LRRC27: variants seen among roughly 807,000 people sequenced by gnomAD.
LRRC27 encodes the protein leucine rich repeat containing 27.
In LRRC27, 57 loss-of-function variants were observed where a neutral mutation model predicts 55.0. The ratio of observed to expected loss-of-function variants is 1.04; its 90% CI spans 0.84 to 1.29. LRRC27 has a LOEUF of 1.29. Ranked by LOEUF, LRRC27 falls within the 50% of genes most tolerant of loss-of-function variation. The pLI is 0.00. For missense variants in LRRC27, 721 were observed against 651.5 expected, an observed-to-expected ratio of 1.11 and a Z score of -1.16; for synonymous variants, 278 against 251.9, an observed-to-expected ratio of 1.10 and a Z score of -0.98.
At chr10:132,333,430 C>T in intron 1 of LRRC27, 47 bp from the exon 2 acceptor site, 2 of 849,902 alleles carry the variant, frequency 2.4e-6, no homozygotes, top group South Asian at 4.6e-5. Flanking sequence ...TCTGTTTTGC[C>T]TCGGTATAAT....
At position 132,353,470 on chromosome 10, in the gene LRRC27, T is replaced by C. The variant is rs2068164737; in HGVS notation, c.1073+1717T>C. ...GTGTCCAGCACACAGATTCTGTGAT[T>C]GTCCACAGCTGTCACCCAATGTCCA... On this transcript the variant is annotated intron_variant, in intron 7 of 10. Coordinates refer to ENST00000368614, the MANE Select transcript of LRRC27 (RefSeq NM_030626.3). 1.2e-5 allele frequency: 11 copies of C among 931,584 alleles called. No individual in the cohort carries two copies. The South Asian group carries it at 5.2e-4, about 44-fold the overall frequency. The allele number at this position is 931,584 out of a possible 1,614,324, so 57.7% of individuals were successfully genotyped here.
rs1361880035 is a variant in LRRC27, at chr10:132,377,931, C to T, written c.*2689C>T. Reference sequence around the variant, plus strand: ...GTGCTGTGGCTCACGCCTGTAATCCCAGCACTTTGGGAGGCCGAGGCGAGT... The same window carrying T: ...GTGCTGTGGCTCACGCCTGTAATCCTAGCACTTTGGGAGGCCGAGGCGAGT... On this transcript the variant is annotated 3_prime_UTR_variant, in exon 11 of 11. Transcript: ENST00000368614. The T allele has an allele frequency of 6.6e-6, 1 of 152,222 alleles. No individual in the cohort carries two copies. Among genetic ancestry groups the T allele is most frequent in the Non-Finnish European group, 1.5e-5 (1 of 68,046 alleles). 9.4% of individuals were successfully genotyped at this position (152,222 alleles called of 1,614,324 possible).
At chr10:132,345,851 A>G (rs1478407503) in intron 5 of LRRC27, among the ~76,000 whole-genome samples, 1 of 152,236 alleles carries the variant, frequency 6.6e-6, no homozygotes, top group African/African-American at 2.4e-5. Flanking sequence ...TTGAAGGTTC[A>G]TTCCAGTTGA....
At chr10:132,359,661 G>A (rs568497371) in intron 8 of LRRC27, among the ~76,000 whole-genome samples, 13 of 152,390 alleles carry the variant, frequency 8.5e-5, no homozygotes, top group South Asian at 6.2e-4. Flanking sequence ...AAGTACATTC[G>A]ATGGGGTGGG....
intron 2 of LRRC27, among the ~76,000 whole-genome samples, chr10:132,334,263 C>G (rs967589983): frequency 2.0e-5 from 3 of 152,212 alleles, no homozygotes; most frequent in African/African-American, 7.2e-5. Flanking sequence ...GCACTTGTCC[C>G]TGCTGGGACT....
At chr10:132,368,037 G>A (rs2069136977) in intron 10 of LRRC27, among the ~76,000 whole-genome samples, 1 of 152,184 alleles carries the variant, frequency 6.6e-6, no homozygotes, top group East Asian at 1.9e-4. Flanking sequence ...ATATACATAA[G>A]TCAGTCACCT....
chr10:132,330,483 T>TTG, upstream of LRRC27: 2 of 717,146 alleles, frequency 2.8e-6, no homozygotes, highest in Non-Finnish European at 5.2e-6. Context: ...TGCTTTCAGC[T>TTG]TCCTGATTGG....
intron 2 of LRRC27, among the ~76,000 whole-genome samples, chr10:132,335,486 C>G (rs1280265180): frequency 6.8e-6 from 1 of 146,766 alleles, no homozygotes; most frequent in South Asian, 2.2e-4. Flanking sequence ...GGGGGGGGGT[C>G]ACAGTCTTCC....
rs2067585180 is a variant in LRRC27 at position 132,344,592 on chromosome 10, G to A, written c.495G>A (p.Gln165=). ...TGCAGAAGGGATTGGTGGCTATCCA[G>A]CGCTTCCTGCGGATGTGGGCAGTAG... is the stretch of plus-strand genomic sequence containing the variant. ...LVVQKGLVAI[Q]RFLRMWAVEH... Residue 165 remains glutamine (Q), a synonymous_variant, in exon 5 of 11, where the codon CAG becomes CAA. Transcript: ENST00000368614. The A allele has an allele frequency of 6.2e-7, 1 of 1,614,164 alleles. No individual in the cohort carries two copies. Among genetic ancestry groups the A allele is most frequent in the Admixed American group, 1.7e-5 (1 of 60,024 alleles).
chr10:132,364,525 A>ACATC (rs1360978203), intron 9 of LRRC27, among the ~76,000 whole-genome samples: 3 of 49,104 alleles, frequency 6.1e-5, no homozygotes, highest in African/African-American at 9.3e-5. Context: ...ACTCGCACTT[A>ACATC]CACCCACACT....
rs768600145 is a variant in LRRC27 at position 132,348,170 on chromosome 10, C to T, written c.740C>T (p.Ala247Val). Reference protein sequence around the residue: ...KPDLSELRKSADSSENWPSEE... With the variant: ...KPDLSELRKSVDSSENWPSEE... ...GACCTGAGTGAACTCAGGAAGTCTG[C>T]GGACTCCTCAGAGAACTGGCCCAGC... The change falls in exon 6 of 11, where the codon GCG (alanine) becomes GTG (valine). Residue 247 changes from alanine to valine, a missense_variant. By Grantham distance (64) the Ala-to-Val change is moderately conservative. Coordinates refer to ENST00000368614, the MANE Select transcript of LRRC27 (RefSeq NM_030626.3). The surrounding 1 kb of genome is among the most constrained non-coding windows in gnomAD (Gnocchi z 4.2). The T allele has an allele frequency of 4.3e-6, 7 of 1,613,908 alleles. No homozygotes were observed. Among genetic ancestry groups the T allele is most frequent in the East Asian group, 4.5e-5 (2 of 44,888 alleles).
Position 132,348,779 on chromosome 10 carries a change from C to T in LRRC27, c.926+423C>T, listed in dbSNP as rs542483183. Among the ~76,000 whole-genome samples the T allele has an allele frequency of 9.2e-5, 14 of 152,294 alleles. No individual in the cohort carries two copies. The East Asian group carries it at 2.1e-3, about 23-fold the overall frequency. On this transcript the variant is annotated intron_variant, in intron 6 of 10. Transcript: ENST00000368614. This position sits in a 1 kb window ranked among gnomAD's most constrained non-coding sequence, Gnocchi z 4.2. ...CTTGTGAGGCTTCGATCAGTGCTCA[C>T]TGAATCCACATTTTACCTGTGAAAA... is the stretch of plus-strand genomic sequence containing the variant.
chr10:132,341,803 G>A (rs1390851702), intron 3 of LRRC27, among the ~76,000 whole-genome samples: 1 of 152,242 alleles, frequency 6.6e-6, no homozygotes, highest in African/African-American at 2.4e-5. Flanking sequence ...GGTTTACAGT[G>A]AGGTTATAAC....
upstream of LRRC27, among the ~76,000 whole-genome samples, chr10:132,330,815 A>C (rs955459547): frequency 4.9e-4 from 74 of 151,570 alleles, no homozygotes; most frequent in Non-Finnish European, 9.7e-4. Flanking sequence ...CGGCCTAAAA[A>C]ACATTTCTTA....
At chr10:132,352,828 C>A in intron 7 of LRRC27, 1 of 1,596,598 alleles carries the variant, frequency 6.3e-7, no homozygotes, top group Admixed American at 1.7e-5. Flanking sequence ...CTGGCTTCCT[C>A]ACGACACCTG....
intron 3 of LRRC27, among the ~76,000 whole-genome samples, chr10:132,339,386 G>A (rs1275379526): frequency 1.3e-5 from 2 of 152,246 alleles, no homozygotes; most frequent in African/African-American, 4.8e-5. Context: ...CAGGCTCTGC[G>A]AGGAAGCTGC....
rs1443517235 is a variant in LRRC27 at position 132,344,569 on chromosome 10, C to T, written c.472C>T (p.Gln158Ter). 2.5e-6 allele frequency: 4 copies of T among 1,614,162 alleles called. No individual in the cohort carries two copies. In the South Asian group the frequency reaches 3.3e-5, roughly 13 times the overall value. The change falls in exon 5 of 11, where the codon CAG (glutamine) becomes TAG (stop). Residue 158 changes from glutamine to a stop codon, truncating the protein, a stop_gained. Transcript: ENST00000368614. LOFTEE classifies it high-confidence loss of function. ...GGAATTCCCTCCTCAGCTCGTTGTG[C>T]AGAAGGGATTGGTGGCTATCCAGCG... Reference protein sequence around the residue: ...PLEFPPQLVVQKGLVAIQRFL... With the variant: ...PLEFPPQLVV
At chr10:132,364,277 AT>A (rs754230288) in intron 9 of LRRC27, among the ~76,000 whole-genome samples, 33 of 146,926 alleles carry the variant, frequency 2.2e-4, no homozygotes, top group Non-Finnish European at 4.5e-4. Context: ...GTGCCATTGT[AT>A]TCACAGTGGC....
chr10:132,370,863 T>G (rs2069196086), intron 10 of LRRC27, among the ~76,000 whole-genome samples: 1 of 152,244 alleles, frequency 6.6e-6, no homozygotes, highest in Non-Finnish European at 1.5e-5. Flanking sequence ...CCTATTTGTA[T>G]AATCCTGGTG....
Sources: gnomAD v4.1 joint callset for allele counts (sites outside exome capture counted in the v4.1 genomes callset) on GRCh38, gnomAD v4.1.1 for gene constraint, Gnocchi (gnomAD v3.1) non-coding constraint, MANE v1.5 for transcripts, NCBI Gene and HGNC (gene_info 2026-07-23, HGNC 2026-07-21) for gene names.